CHST3: variants seen among roughly 807,000 people sequenced by gnomAD.
The protein encoded by CHST3 is C6ST-1.
CHST3 carries 20 observed loss-of-function variants against 35.4 expected under a neutral mutation model. The observed-to-expected ratio is 0.57, with a 90% confidence interval of 0.40 to 0.82. The LOEUF is 0.82. CHST3 is among the 40% of genes least tolerant of loss of function. The probability of loss-of-function intolerance (pLI) is 0.00; values close to 1 mark genes in which losing one functional copy is unlikely to be tolerated. For synonymous variants in CHST3, 334 were observed against 295.9 expected, an observed-to-expected ratio of 1.13 and a Z score of -1.32; for missense variants, 693 against 670.1, an observed-to-expected ratio of 1.03 and a Z score of -0.38.
At chr10:72,002,402 G>A (rs1589507134) in intron 1 of CHST3, among the ~76,000 whole-genome samples, 2 of 152,236 alleles carry the variant, frequency 1.3e-5, no homozygotes, top group South Asian at 4.1e-4. Flanking sequence ...GAGGGAAGGG[G>A]GTAGCCAGGG....
chr10:71,968,608 C>T (rs1839655263), intron 1 of CHST3, among the ~76,000 whole-genome samples: 1 of 152,162 alleles, frequency 6.6e-6, no homozygotes, highest in Non-Finnish European at 1.5e-5. Context: ...CTGCAAGGCC[C>T]TTATTGGTTC....
At chr10:72,005,100 G>A (rs1297532764) in intron 1 of CHST3, among the ~76,000 whole-genome samples, 7 of 152,222 alleles carry the variant, frequency 4.6e-5, no homozygotes, top group African/African-American at 1.7e-4. Flanking sequence ...ACTCCAGCCT[G>A]GGCAACATAG....
chr10:71,989,141 G>A (rs750734427), intron 1 of CHST3, among the ~76,000 whole-genome samples: 6 of 152,040 alleles, frequency 3.9e-5, no homozygotes, highest in Admixed American at 6.6e-5. Context: ...CAGCCTGGGC[G>A]ACAGAGCAAG....
intron 1 of CHST3, among the ~76,000 whole-genome samples, chr10:71,997,648 G>T (rs1433298776): frequency 6.6e-6 from 1 of 151,556 alleles, no homozygotes; most frequent in East Asian, 1.9e-4. Flanking sequence ...GAGAATACCA[G>T]CCTGGGCAAT....
chr10:71,997,483 G>A (rs943655583), intron 1 of CHST3, among the ~76,000 whole-genome samples: 2 of 152,132 alleles, frequency 1.3e-5, no homozygotes, highest in Admixed American at 1.3e-4. Flanking sequence ...CCTTGCAGAA[G>A]GGACTGACTG....
chr10:71,988,960 C>T (rs767648120), intron 1 of CHST3, among the ~76,000 whole-genome samples: 2 of 151,984 alleles, frequency 1.3e-5, no homozygotes. Flanking sequence ...GTCAGGAATT[C>T]GAGACCAGCC....
chr10:72,010,803 C>G lies in CHST3; in HGVS notation c.*2332C>G, dbSNP rs1391913665. On this transcript the variant is annotated 3_prime_UTR_variant, in exon 3 of 3. Coordinates refer to ENST00000373115, the MANE Select transcript of CHST3 (RefSeq NM_004273.5). ...CCTCCCCACTGCTCCCTCCTCTGTT[C>G]CCCATGTGGAGGTCGGAGGGGCTGG... 6.6e-6 allele frequency: 1 copy of G among 152,204 alleles called. No individual in the cohort carries two copies. The highest frequency in any genetic ancestry group is 1.5e-5 in the Non-Finnish European group (1 of 68,076). The allele number at this position is 152,204 out of a possible 1,614,324, so 9.4% of individuals were successfully genotyped here. A position where few individuals can be genotyped will look rare whatever the true frequency, so the allele number is the denominator to read the frequency against.
intron 1 of CHST3, among the ~76,000 whole-genome samples, chr10:71,997,126 C>T (rs1329528515): frequency 1.3e-5 from 2 of 152,252 alleles, no homozygotes; most frequent in East Asian, 3.9e-4. Context: ...TACATTCACA[C>T]TGTTGGGTAA....
In CHST3 at chr10:72,013,207, C is replaced by G. The variant is rs1840553335; in HGVS notation, c.*4736C>G. On this transcript the variant is annotated 3_prime_UTR_variant, in exon 3 of 3. Coordinates refer to ENST00000373115, the MANE Select transcript of CHST3 (RefSeq NM_004273.5). ...GCACACTGTCTTTTTGCCAACACCT[C>G]AGCCCTGTTTGCTATTTCATGTCTG... 1 of 152,504 alleles carries G rather than the reference C, an allele frequency of 6.6e-6. No homozygotes were observed. The allele number at this position is 152,504 out of a possible 1,614,324, so 9.4% of individuals were successfully genotyped here.
At chr10:71,972,115 C>G (rs1442363555) in intron 1 of CHST3, among the ~76,000 whole-genome samples, 3 of 152,112 alleles carry the variant, frequency 2.0e-5, no homozygotes, top group African/African-American at 7.2e-5. Context: ...ACCAGAAGCT[C>G]TAGAGGTGGC....
At chr10:71,990,059 AT>A (rs1263862062) in intron 1 of CHST3, among the ~76,000 whole-genome samples, 1 of 152,114 alleles carries the variant, frequency 6.6e-6, no homozygotes, top group Non-Finnish European at 1.5e-5. Context: ...TAATCGATTT[AT>A]TGTTGTATAT....
At chr10:72,006,647 A>G (rs1017185861) in intron 2 of CHST3, among the ~76,000 whole-genome samples, 3 of 152,210 alleles carry the variant, frequency 2.0e-5, no homozygotes, top group African/African-American at 7.2e-5. Context: ...TTAGATGTAG[A>G]AAGATTTCTT....
intron 1 of CHST3, among the ~76,000 whole-genome samples, chr10:71,976,071 G>A (rs1015400454): frequency 2.6e-5 from 4 of 152,212 alleles, no homozygotes; most frequent in East Asian, 1.9e-4. Context: ...AGCCCTGTTC[G>A]ATTCTCTGTT....
rs139257890 is a variant in CHST3 at position 72,003,808 on chromosome 10, C to T, written c.-107-1928C>T. 1.7e-3 allele frequency among the ~76,000 whole-genome samples: 255 copies of T among 152,172 alleles called. 1 individual carries two copies. The highest frequency in any genetic ancestry group is 5.9e-3 in the African/African-American group (245 of 41,514). On this transcript the variant is annotated intron_variant, in intron 1 of 2. Coordinates refer to ENST00000373115, the MANE Select transcript of CHST3 (RefSeq NM_004273.5). ...AGTGGCACACCTATAGTCCCAGCTA[C>T]TCCGGAGGCTGAGGAGGGAGGATTG...
intron 1 of CHST3, among the ~76,000 whole-genome samples, chr10:71,988,740 C>T (rs545411186): frequency 6.6e-6 from 1 of 152,314 alleles, no homozygotes; most frequent in South Asian, 2.1e-4. Flanking sequence ...TATCTATACA[C>T]ACAGCAGACA....
rs1039038870 is a variant in CHST3, at chr10:72,011,978, C to T, written c.*3507C>T. ...TGTCACATACACCGCAGGTGGTCACCGAGTTATTTTCCAAAAGCTGAGGAA... is the reference window on the plus strand; with the variant it reads ...TGTCACATACACCGCAGGTGGTCACTGAGTTATTTTCCAAAAGCTGAGGAA... On this transcript the variant is annotated 3_prime_UTR_variant, in exon 3 of 3. Coordinates refer to ENST00000373115, the MANE Select transcript of CHST3 (RefSeq NM_004273.5). 5.3e-5 allele frequency: 8 copies of T among 152,170 alleles called. No homozygotes were observed. The highest frequency in any genetic ancestry group is 1.4e-4 in the African/African-American group (6 of 41,436). The allele number at this position is 152,170 out of a possible 1,614,324, so 9.4% of individuals were successfully genotyped here.
chr10:71,981,300 C>G (rs1016538358), intron 1 of CHST3, among the ~76,000 whole-genome samples: 3 of 152,230 alleles, frequency 2.0e-5, no homozygotes, highest in Non-Finnish European at 4.4e-5. Context: ...TGCTTCTGCT[C>G]TCCAACCAGG....
At chr10:71,987,803 C>T (rs1839863012) in intron 1 of CHST3, among the ~76,000 whole-genome samples, 1 of 151,930 alleles carries the variant, frequency 6.6e-6, no homozygotes, top group Admixed American at 6.6e-5. Context: ...TGTCCTGTCC[C>T]TTACTTGATC....
intron 1 of CHST3, among the ~76,000 whole-genome samples, chr10:71,982,272 A>T (rs1242351937): frequency 1.3e-5 from 2 of 152,240 alleles, no homozygotes; most frequent in Non-Finnish European, 2.9e-5. Flanking sequence ...GGTGAAAAAA[A>T]CTATCAGCCA....
Sources: gnomAD v4.1 joint callset for allele counts (sites outside exome capture counted in the v4.1 genomes callset) on GRCh38, gnomAD v4.1.1 for gene constraint, MANE v1.5 for transcripts, NCBI Gene and HGNC (gene_info 2026-07-23, HGNC 2026-07-21) for gene names.